TSPAN1: variants seen among roughly 807,000 people sequenced by gnomAD.
The protein encoded by TSPAN1 is tetraspanin 1.
A neutral mutation model predicts 26.9 loss-of-function variants in TSPAN1; 23 were observed. The ratio of observed to expected loss-of-function variants is 0.85; its 90% confidence interval spans 0.62 to 1.21. The LOEUF (loss-of-function observed/expected upper bound fraction) is 1.21. TSPAN1 is among the 50% of genes most tolerant of loss of function. The probability of loss-of-function intolerance (pLI) is 0.00; values close to 1 mark genes in which losing one functional copy is unlikely to be tolerated. For synonymous variants in TSPAN1, 115 were observed against 114.8 expected, an observed-to-expected ratio of 1.00 and a Z score of -0.01; for missense variants, 283 against 298.4, an observed-to-expected ratio of 0.95 and a Z score of 0.38.
chr1:46,192,001 T>A, the TSPAN1 span: 2 of 1,480,236 alleles, frequency 1.4e-6, no homozygotes, highest in Middle Eastern at 1.7e-4. Flanking sequence ...CAAGGTTACA[T>A]GGCTAGCAAG....
At chr1:46,195,975 C>A in the TSPAN1 span, 4 of 1,614,154 alleles carry the variant, frequency 2.5e-6, no homozygotes, top group Admixed American at 1.7e-5. Flanking sequence ...AAGAGCCCAG[C>A]TCCAGCCCTC....
the TSPAN1 span, chr1:46,194,946 G>A: frequency 3.4e-5 from 55 of 1,614,022 alleles, no homozygotes; most frequent in Non-Finnish European, 4.2e-5. Flanking sequence ...TCCTTGAGGT[G>A]GAAGGAGCCC....
At position 46,184,474 on chromosome 1, in the gene TSPAN1, C is replaced by T. The variant is rs1230256299; in HGVS notation, c.264+77C>T. On this transcript the variant is annotated intron_variant, in intron 4 of 8. Coordinates refer to ENST00000372003, the MANE Select transcript of TSPAN1 (RefSeq NM_005727.4). ...GACACCAGGCCCTGGGATTCCCAAA[C>T]CCTGCTTTGGACCCCCCTAGGCTCA... is the stretch of plus-strand genomic sequence containing the variant. The T allele has an allele frequency of 1.6e-5, 26 of 1,608,448 alleles. No homozygotes were observed. In the African/African-American group the frequency reaches 3.3e-4, roughly 21 times the overall value.
chr1:46,184,712 C>T (rs1409538504), intron 5 of TSPAN1, 44 bp downstream of exon 5: 2 of 1,613,772 alleles, frequency 1.2e-6, no homozygotes, highest in Non-Finnish European at 1.7e-6. Flanking sequence ...TGGGCAAAAC[C>T]CTGGGAGTGG....
chr1:46,192,584 C>T, the TSPAN1 span: 18 of 1,613,870 alleles, frequency 1.1e-5, no homozygotes, highest in Non-Finnish European at 1.4e-5. Context: ...TGGATTGGCT[C>T]AGGAAACTGA....
At chr1:46,189,174 C>T (rs1657541074), downstream of TSPAN1, 1 of 1,530,656 alleles carries the variant, frequency 6.5e-7, no homozygotes, top group Admixed American at 2.2e-5. Flanking sequence ...TAGCCCCAGC[C>T]CCTACCAGCA....
intron 1 of TSPAN1, chr1:46,176,081 T>C (rs1414836488): frequency 1.9e-5 from 16 of 851,792 alleles, no homozygotes; most frequent in East Asian, 1.6e-4. Context: ...TTCACCGTGT[T>C]AGCCAGGATG....
At chr1:46,178,044 C>T (rs971987800) in intron 1 of TSPAN1, among the ~76,000 whole-genome samples, 29 of 152,150 alleles carry the variant, frequency 1.9e-4, no homozygotes, top group Admixed American at 8.5e-4. Flanking sequence ...GTAATCTGGT[C>T]CCAATTCTTC....
In TSPAN1 at chr1:46,177,382, A is replaced by T. The variant is rs549028286; in HGVS notation, c.-142+1973A>T. ...ATCTATCTATCTATCTATCTATCTA[A>T]CTATCTATCTATATTTGAGTCATTG... On this transcript the variant is annotated intron_variant, in intron 1 of 8. Transcript: ENST00000372003. 1.1e-3 allele frequency among the ~76,000 whole-genome samples: 141 copies of T among 124,444 alleles called. 4 individuals carry two copies. In the East Asian group the frequency reaches 0.029, roughly 26 times the overall value. 81.6% of individuals were successfully genotyped at this position (124,444 alleles called of 152,430 possible).
At chr1:46,186,138 G>A (rs1161928741), downstream of TSPAN1, among the ~76,000 whole-genome samples, 3 of 152,170 alleles carry the variant, frequency 2.0e-5, no homozygotes, top group Admixed American at 6.5e-5. Context: ...TAAGAGGGAT[G>A]GCTGAGAGGG....
downstream of TSPAN1, chr1:46,190,057 T>C (rs182230791): frequency 5.1e-6 from 8 of 1,574,154 alleles, no homozygotes; most frequent in African/African-American, 5.4e-5. Flanking sequence ...CACAGGACCC[T>C]GTACTTGGTT....
chr1:46,195,824 A>G, the TSPAN1 span: 1 of 1,596,672 alleles, frequency 6.3e-7, no homozygotes, highest in Non-Finnish European at 8.5e-7. Context: ...GACAGTGCAG[A>G]TGAGCACTCG....
intron 1 of TSPAN1, chr1:46,176,121 C>T (rs565791996): frequency 2.5e-5 from 32 of 1,262,624 alleles, no homozygotes; most frequent in East Asian, 1.8e-4. Context: ...GTGATCTGCC[C>T]GCCTTGGCCT....
At chr1:46,192,269 TA>T in the TSPAN1 span, 1 of 1,614,152 alleles carries the variant, frequency 6.2e-7, no homozygotes, top group East Asian at 2.2e-5. Context: ...TTCGAGTTGG[TA>T]GGGGACTCCA....
In TSPAN1 at chr1:46,184,952, G is replaced by A; in HGVS notation, c.439-8G>A. On this transcript the variant is annotated splice_region_variant and splice_polypyrimidine_tract_variant and intron_variant, in intron 6 of 8. Transcript: ENST00000372003. The stretch of plus-strand genomic sequence containing the variant: ...AAGGCCCCACCTCCACCCTCATCTT[G>A]TCTCCAGCTCAAGTGCTGTGGCTTC... 2 of 1,614,204 alleles carry A rather than the reference G, an allele frequency of 1.2e-6. No individual in the cohort carries two copies. Among genetic ancestry groups the A allele is most frequent in the Non-Finnish European group, 1.7e-6 (2 of 1,180,036 alleles).
intron 3 of TSPAN1, among the ~76,000 whole-genome samples, chr1:46,182,387 C>A (rs1305475121): frequency 7.2e-6 from 1 of 138,534 alleles, no homozygotes; most frequent in Non-Finnish European, 1.5e-5. Flanking sequence ...AGTACACTAA[C>A]CACATTAGAG....
chr1:46,191,962 CTG>C, the TSPAN1 span: 1 of 1,381,258 alleles, frequency 7.2e-7, no homozygotes, highest in Non-Finnish European at 1.0e-6. Flanking sequence ...GATAAAGAAA[CTG>C]AGGCAAAAAT....
intron 1 of TSPAN1, among the ~76,000 whole-genome samples, chr1:46,180,139 C>T (rs59869626): frequency 0.047 from 7,145 of 152,248 alleles, 458 homozygotes; most frequent in African/African-American, 0.14. Context: ...GGAACACTAG[C>T]ACATGTTTAT....
chr1:46,179,964 A>AGTGTGTGTGTGTGT lies in TSPAN1; in HGVS notation c.-141-551_-141-538dup, dbSNP rs141816531. ...GAGAGACAGAGAAAGAGAAAGAGGGAGTGTGTGTGTGTGTGTGTGTGTGTT... is the reference window on the plus strand; with the variant it reads ...GAGAGACAGAGAAAGAGAAAGAGGGAGTGTGTGTGTGTGTGTGTGTGTGTGTGTGTGTGTGTGTT... On this transcript the variant is annotated intron_variant, in intron 1 of 8. Transcript: ENST00000372003. Among the ~76,000 whole-genome samples, 119 of 146,886 alleles carry AGTGTGTGTGTGTGT rather than the reference A, an allele frequency of 8.1e-4. 1 individual carries two copies. The highest frequency in any genetic ancestry group is 2.8e-3 in the African/African-American group (112 of 39,822).
Sources: allele counts gnomAD v4.1 joint callset (sites outside exome capture counted in the v4.1 genomes callset), GRCh38; gene constraint gnomAD v4.1.1; transcripts MANE v1.5; gene names NCBI Gene and HGNC (gene_info 2026-07-23, HGNC 2026-07-21).